KCMF1: variants seen among roughly 807,000 people sequenced by gnomAD.
KCMF1 encodes the protein potassium channel modulatory factor 1, also known as E3 ubiquitin-protein ligase KCMF1.
KCMF1 carries 3 observed loss-of-function variants against 41.1 expected under a neutral mutation model. The ratio of observed to expected loss-of-function variants is 0.07; its 90% CI spans 0.03 to 0.19. The LOEUF is 0.19. Ranked by LOEUF, KCMF1 falls within the 10% of genes least tolerant of loss-of-function variation. The pLI, the probability that KCMF1 is intolerant of heterozygous loss-of-function variation, is 1.00. For synonymous variants in KCMF1, 142 were observed against 164.5 expected (o/e 0.86, Z 1.04); for missense variants, 286 against 488.9 (o/e 0.58, Z 3.91).
intron 1 of KCMF1, among the ~76,000 whole-genome samples, chr2:84,987,635 A>C (rs574902946): frequency 6.6e-6 from 1 of 152,190 alleles, no homozygotes; most frequent in Non-Finnish European, 1.5e-5. Flanking sequence ...CTAGGTAGAA[A>C]TCAGAAGTGG....
chr2:84,996,504 C>T (rs1379529678), intron 1 of KCMF1, among the ~76,000 whole-genome samples: 2 of 148,946 alleles, frequency 1.3e-5, no homozygotes, highest in Admixed American at 6.7e-5. Context: ...GGTGCAATCC[C>T]GGCTCACTGG....
intron 1 of KCMF1, among the ~76,000 whole-genome samples, chr2:85,007,914 C>T (rs1674511907): frequency 6.6e-6 from 1 of 151,998 alleles, no homozygotes; most frequent in Non-Finnish European, 1.5e-5. Flanking sequence ...GGCACTGCCA[C>T]CACGCCTGGC....
intron 1 of KCMF1, among the ~76,000 whole-genome samples, chr2:85,012,813 C>T (rs759185621): frequency 2.1e-4 from 32 of 152,142 alleles, no homozygotes; most frequent in Admixed American, 1.8e-3. Context: ...CTGGAGCAGA[C>T]ATAAAGAAAT....
In KCMF1 at chr2:85,053,423, C is replaced by T. The variant is rs190212225; in HGVS notation, c.*14C>T. On this transcript the variant is annotated 3_prime_UTR_variant, in exon 7 of 7. Coordinates refer to ENST00000409785, the MANE Select transcript of KCMF1 (RefSeq NM_020122.5). ...CCTCCTCTTTGATGACATCCCAATT[C>T]GCAGACAATGTCCTCTGTGCTGTAT... 122 of 1,606,816 alleles carry T rather than the reference C, an allele frequency of 7.6e-5. 1 individual carries two copies. The East Asian group carries it at 2.6e-3, about 34-fold the overall frequency.
At chr2:85,003,716 C>T (rs1423262404) in intron 1 of KCMF1, among the ~76,000 whole-genome samples, 1 of 151,920 alleles carries the variant, frequency 6.6e-6, no homozygotes, top group Non-Finnish European at 1.5e-5. Flanking sequence ...GGATTACAGG[C>T]GTGAGCTACC....
At chr2:84,983,093 A>G (rs543632453) in intron 1 of KCMF1, among the ~76,000 whole-genome samples, 180 of 152,334 alleles carry the variant, frequency 1.2e-3, no homozygotes, top group Admixed American at 2.1e-3. Flanking sequence ...TTTAAAAGCC[A>G]CCATTGGAAG....
chr2:84,996,430 A>ATTTTTTTTTTTTTTTTT (rs869089697), intron 1 of KCMF1, among the ~76,000 whole-genome samples: 3 of 124,058 alleles, frequency 2.4e-5, no homozygotes, highest in African/African-American at 9.9e-5. Flanking sequence ...ATAACCTAAG[A>ATTTTTTTTTTTTTTTTT]TTTTTTTTTT....
rs745901042 is a variant in KCMF1 at position 84,978,916 on chromosome 2, G to A, written c.16+7449G>A. On this transcript the variant is annotated intron_variant, in intron 1 of 6. Transcript: ENST00000409785. The stretch of plus-strand genomic sequence containing the variant: ...TTTTATAGAGACAGGGTTTGTCCAT[G>A]TTGGTCAGGCTGGTCTCGAACTCCT... Among the ~76,000 whole-genome samples, 13 of 152,034 alleles carry A rather than the reference G, an allele frequency of 8.6e-5. No individual in the cohort carries two copies. The South Asian group carries it at 1.9e-3, about 22-fold the overall frequency.
Position 85,043,636 on chromosome 2 carries a change from A to C in KCMF1, c.397A>C (p.Thr133Pro), listed in dbSNP as rs1201532969. ...HVTDDFAAHLTLEHRAPRDLD... is the reference protein window; with the variant it reads ...HVTDDFAAHLPLEHRAPRDLD... ...CACGGATGACTTTGCAGCTCATCTT[A>C]CACTTGAACACAGAGCCCCTAGAGA... Residue 133 changes from threonine (T) to proline (P), a missense_variant, in exon 4 of 7, where the codon ACA (threonine) becomes CCA (proline). Thr to Pro is a conservative substitution (Grantham distance 38, BLOSUM62 -1). Coordinates refer to ENST00000409785, the MANE Select transcript of KCMF1 (RefSeq NM_020122.5). 6.2e-7 allele frequency: 1 copy of C among 1,610,370 alleles called. No individual in the cohort carries two copies. The highest frequency in any genetic ancestry group is 8.5e-7 in the Non-Finnish European group (1 of 1,176,824).
chr2:85,012,512 T>A (rs1674676823), intron 1 of KCMF1, among the ~76,000 whole-genome samples: 1 of 152,188 alleles, frequency 6.6e-6, no homozygotes, highest in Non-Finnish European at 1.5e-5. Flanking sequence ...TTCTTTTCCG[T>A]ATTACCGTAT....
intron 1 of KCMF1, among the ~76,000 whole-genome samples, chr2:85,015,153 CAAA>C (rs34773304): frequency 4.1e-5 from 2 of 49,036 alleles, no homozygotes; most frequent in South Asian, 1.4e-3. Flanking sequence ...GACTCCATCT[CAAA>C]AAAAAAAAAA....
At chr2:85,032,601 T>C (rs1384270590) in intron 2 of KCMF1, among the ~76,000 whole-genome samples, 2 of 152,148 alleles carry the variant, frequency 1.3e-5, no homozygotes, top group Non-Finnish European at 2.9e-5. Context: ...AGTCTTGAGC[T>C]CCTGACCTTA....
At chr2:85,034,767 A>G (rs1675366174) in intron 2 of KCMF1, among the ~76,000 whole-genome samples, 1 of 152,128 alleles carries the variant, frequency 6.6e-6, no homozygotes, top group South Asian at 2.1e-4. Context: ...GATTACAGGC[A>G]TCTGCCACCA....
At chr2:84,989,732 CAG>C (rs1673991080) in intron 1 of KCMF1, among the ~76,000 whole-genome samples, 1 of 152,098 alleles carries the variant, frequency 6.6e-6, no homozygotes, top group Non-Finnish European at 1.5e-5. Context: ...ATATAGAGGA[CAG>C]AGAAGCATGC....
chr2:85,014,305 G>A (rs1157578945), intron 1 of KCMF1, among the ~76,000 whole-genome samples: 14 of 152,032 alleles, frequency 9.2e-5, no homozygotes, highest in Admixed American at 1.3e-4. Context: ...ATATATCTCC[G>A]TATCATAATA....
At chr2:84,996,518 C>T (rs900536161) in intron 1 of KCMF1, among the ~76,000 whole-genome samples, 1 of 150,046 alleles carries the variant, frequency 6.7e-6, no homozygotes, top group Non-Finnish European at 1.5e-5. Flanking sequence ...TCACTGGAAC[C>T]TCCGCCTCCT....
intron 2 of KCMF1, among the ~76,000 whole-genome samples, chr2:85,033,514 A>G (rs1192250920): frequency 6.6e-6 from 1 of 152,222 alleles, no homozygotes; most frequent in Non-Finnish European, 1.5e-5. Context: ...CAGCTGTGTC[A>G]TAACATGGCA....
At chr2:85,041,653 C>CTA (rs1675537880) in intron 3 of KCMF1, among the ~76,000 whole-genome samples, 1 of 151,952 alleles carries the variant, frequency 6.6e-6, no homozygotes, top group Non-Finnish European at 1.5e-5. Context: ...TGTAATAAAA[C>CTA]TATAACCCAG....
chr2:85,046,131 C>A lies in KCMF1; in HGVS notation c.454C>A (p.Arg152Ser). ...TGAATCGAGTGGTGTTCGACATGTACGTAGAATGTTTCACCCTGGCCGGGG... is the reference window on the plus strand; with the variant it reads ...TGAATCGAGTGGTGTTCGACATGTAAGTAGAATGTTTCACCCTGGCCGGGG... Reference protein sequence around the residue: ...LDESSGVRHVRRMFHPGRGLG... With the variant: ...LDESSGVRHVSRMFHPGRGLG... The change falls in exon 5 of 7, where the codon CGT becomes AGT. Residue 152 changes from arginine (R) to serine (S), a missense_variant. This residue lies in a region of KCMF1 where 95 missense variants were observed against 209.6 expected (regional missense o/e 0.45). Coordinates refer to ENST00000409785, the MANE Select transcript of KCMF1 (RefSeq NM_020122.5). The A allele has an allele frequency of 6.2e-7, 1 of 1,612,564 alleles. No homozygotes were observed. The highest frequency in any genetic ancestry group is 8.5e-7 in the Non-Finnish European group (1 of 1,179,304).
Sources: allele counts gnomAD v4.1 joint callset (sites outside exome capture counted in the v4.1 genomes callset), GRCh38; gene constraint gnomAD v4.1.1; regional missense constraint gnomAD v4.1.1; transcripts MANE v1.5; gene names NCBI Gene and HGNC (gene_info 2026-07-23, HGNC 2026-07-21).